Variants in INTU observed in about 807,000 individuals in gnomAD.
The protein encoded by INTU is protein inturned.
INTU carries 68 observed loss-of-function variants against 100.5 expected under a neutral mutation model. The observed-to-expected ratio is 0.68, with a 90% CI of 0.56 to 0.83. INTU has a LOEUF of 0.83. INTU is among the 40% of genes least tolerant of loss of function. INTU has a pLI of 0.00. For synonymous variants in INTU, 357 were observed against 395.7 expected, an observed-to-expected ratio of 0.90 and a Z score of 1.16; for missense variants, 1,071 against 1,114.7, an observed-to-expected ratio of 0.96 and a Z score of 0.56.
At chr4:127,676,190 CAA>C (rs1729168895) in intron 6 of INTU, 2 of 154,532 alleles carry the variant, frequency 1.3e-5, no homozygotes, top group African/African-American at 4.8e-5. Flanking sequence ...ACCAGCCACA[CAA>C]GAGAAAAATA....
At chr4:127,640,586 T>TATATAC (rs1172294529) in intron 1 of INTU, among the ~76,000 whole-genome samples, 4 of 32,286 alleles carry the variant, frequency 1.2e-4, no homozygotes, top group East Asian at 2.0e-3. Flanking sequence ...TATATATATA[T>TATATAC]ATATACATAT....
At chr4:127,671,368 T>C (rs1482380344) in intron 5 of INTU, among the ~76,000 whole-genome samples, 1 of 151,916 alleles carries the variant, frequency 6.6e-6, no homozygotes, top group Non-Finnish European at 1.5e-5. Flanking sequence ...GAAAAAATGC[T>C]CATCACTAAT....
chr4:127,688,007 G>T, intron 8 of INTU, 140 bp downstream of exon 8: 2 of 507,414 alleles, frequency 3.9e-6, no homozygotes, highest in Non-Finnish European at 6.6e-6. Context: ...CAAAGTAGGA[G>T]GTCCAGTGCA....
At chr4:127,708,548 A>T (rs1316538339) in intron 12 of INTU, 23 bp from the exon 13 acceptor site, 1 of 1,225,548 alleles carries the variant, frequency 8.2e-7, no homozygotes, top group East Asian at 2.3e-5. Flanking sequence ...ATATAAACTG[A>T]TCTACTTAAC....
chr4:127,650,325 A>G (rs1727788194), intron 2 of INTU, among the ~76,000 whole-genome samples: 1 of 147,812 alleles, frequency 6.8e-6, no homozygotes, highest in Non-Finnish European at 1.5e-5. Flanking sequence ...TGCACCCACT[A>G]ACTCATCATC....
intron 3 of INTU, among the ~76,000 whole-genome samples, chr4:127,662,968 A>G (rs976816457): frequency 1.1e-4 from 17 of 152,152 alleles, no homozygotes; most frequent in Non-Finnish European, 1.5e-5. Context: ...TTAATGCTGA[A>G]TGTCTTCCTT....
chr4:127,680,703 G>T (rs1729492879), intron 6 of INTU, among the ~76,000 whole-genome samples: 1 of 146,350 alleles, frequency 6.8e-6, no homozygotes, highest in South Asian at 2.3e-4. Context: ...AGACAGGGAT[G>T]CCGTCTCTCA....
chr4:127,702,284 G>T (rs1284144467), intron 9 of INTU, among the ~76,000 whole-genome samples: 2 of 152,040 alleles, frequency 1.3e-5, no homozygotes, highest in African/African-American at 4.8e-5. Context: ...AGACAGTTTG[G>T]CAATTTCTTA....
At chr4:127,681,494 C>A (rs1160016470) in intron 6 of INTU, among the ~76,000 whole-genome samples, 1 of 152,110 alleles carries the variant, frequency 6.6e-6, no homozygotes, top group African/African-American at 2.4e-5. Context: ...GAAAAACAAG[C>A]AGTGGGGAAA....
intron 3 of INTU, among the ~76,000 whole-genome samples, chr4:127,658,562 C>T (rs1728337987): frequency 6.6e-6 from 1 of 152,152 alleles, no homozygotes; most frequent in Admixed American, 6.5e-5. Context: ...ATGTATTATC[C>T]TGAGTGAGGG....
At chr4:127,683,055 G>A (rs1729656193) in intron 6 of INTU, among the ~76,000 whole-genome samples, 1 of 152,278 alleles carries the variant, frequency 6.6e-6, no homozygotes. Flanking sequence ...AGGTGAGTTT[G>A]TATCCTGAAG....
In INTU at chr4:127,654,917, C is replaced by T. The variant is rs554689410; in HGVS notation, c.683-1719C>T. Among the ~76,000 whole-genome samples, 1,262 of 143,552 alleles carry T rather than the reference C, an allele frequency of 8.8e-3. 9 individuals are homozygous for T. Among genetic ancestry groups the T allele is most frequent in the Middle Eastern group, 0.021 (6 of 282 alleles). 94.2% of individuals were successfully genotyped at this position (143,552 alleles called of 152,430 possible). On this transcript the variant is annotated intron_variant, in intron 2 of 15. Transcript: ENST00000335251. ...TCCCATATTTCTTGGAGGCTTTGCT[C>T]ATTTCTTTTTATTCTTTTTTCTCTA...
At chr4:127,645,340 A>C (rs1002578672) in intron 2 of INTU, among the ~76,000 whole-genome samples, 3 of 152,064 alleles carry the variant, frequency 2.0e-5, no homozygotes, top group African/African-American at 7.2e-5. Flanking sequence ...CATTGTGTGA[A>C]GAGGTCAAGA....
intron 1 of INTU, among the ~76,000 whole-genome samples, chr4:127,639,154 C>A (rs560759744): frequency 6.6e-6 from 1 of 152,158 alleles, no homozygotes; most frequent in Non-Finnish European, 1.5e-5. Context: ...AAACTCCAAA[C>A]TTTATTTGGC....
intron 1 of INTU, among the ~76,000 whole-genome samples, chr4:127,637,344 T>C (rs1346433993): frequency 6.6e-6 from 1 of 152,220 alleles, no homozygotes; most frequent in African/African-American, 2.4e-5. Flanking sequence ...AAATTCTAGG[T>C]TCCTTAGGAT....
At chr4:127,700,085 A>C in intron 9 of INTU, 22 bp downstream of exon 9, 1 of 1,569,442 alleles carries the variant, frequency 6.4e-7, no homozygotes, top group Non-Finnish European at 8.7e-7. Context: ...AGTGGATTTT[A>C]TAAAAGGCTC....
intron 3 of INTU, among the ~76,000 whole-genome samples, chr4:127,661,471 C>G (rs1728473717): frequency 6.6e-6 from 1 of 152,140 alleles, no homozygotes; most frequent in African/African-American, 2.4e-5. Context: ...GACCCGCTTT[C>G]TTGTCACCAC....
At chr4:127,643,368 A>G (rs1727417155) in intron 1 of INTU, among the ~76,000 whole-genome samples, 153 bp from the exon 2 acceptor site, 1 of 152,234 alleles carries the variant, frequency 6.6e-6, no homozygotes. Flanking sequence ...ACAATAAATT[A>G]GAAATAGTAA....
intron 1 of INTU, among the ~76,000 whole-genome samples, chr4:127,642,777 T>G (rs1028962289): frequency 2.0e-5 from 3 of 148,566 alleles, no homozygotes; most frequent in African/African-American, 7.4e-5. Flanking sequence ...AGTAATTTTG[T>G]TTTTTTTTTC....
Sources: allele counts gnomAD v4.1 joint callset (sites outside exome capture counted in the v4.1 genomes callset), GRCh38; gene constraint gnomAD v4.1.1; transcripts MANE v1.5; gene names NCBI Gene and HGNC (gene_info 2026-07-23, HGNC 2026-07-21).